C1QBP: variants seen among roughly 807,000 people sequenced by gnomAD.
C1QBP encodes the protein complement component 1 Q subcomponent-binding protein, mitochondrial.
Under a neutral mutation model 29.4 loss-of-function variants are expected in C1QBP, and 24 were observed. That is an observed-to-expected ratio of 0.82 (90% CI 0.59 to 1.15). The LOEUF (loss-of-function observed/expected upper bound fraction) is 1.15. C1QBP is among the 50% of genes most tolerant of loss of function. The pLI is 0.00. For missense variants in C1QBP, 337 were observed against 355.8 expected, an observed-to-expected ratio of 0.95 and a Z score of 0.43; for synonymous variants, 182 against 149.2, an observed-to-expected ratio of 1.22 and a Z score of -1.60.
chr17:5,434,940 T>C lies in C1QBP; in HGVS notation c.410A>G (p.Asn137Ser), dbSNP rs746657078. Reference sequence around the variant, plus strand: ...ACCATCAAATGTTGGTGGGATGCTGTTGTTAATGTTGAAAGTGACCGTGAT... The same window carrying C: ...ACCATCAAATGTTGGTGGGATGCTGCTGTTAATGTTGAAAGTGACCGTGAT... Reference protein sequence around the residue: ...EKITVTFNINNSIPPTFDGEE... With the variant: ...EKITVTFNINSSIPPTFDGEE... Residue 137 changes from asparagine to serine, a missense_variant, in exon 3 of 6, where the codon AAC (asparagine) becomes AGC (serine). Physicochemically the swap from Asn to Ser is conservative, Grantham distance 46. Coordinates refer to ENST00000225698, the MANE Select transcript of C1QBP (RefSeq NM_001212.4). 7 of 1,613,986 alleles carry C rather than the reference T, an allele frequency of 4.3e-6. No homozygotes were observed. The South Asian group carries it at 4.4e-5, about 10-fold the overall frequency.
At chr17:5,436,557 C>CA (rs905643439) in intron 2 of C1QBP, among the ~76,000 whole-genome samples, 1 of 151,308 alleles carries the variant, frequency 6.6e-6, no homozygotes, top group African/African-American at 2.5e-5. Flanking sequence ...CACAAGCGAC[C>CA]AAAAAAATAG....
At position 5,438,584 on chromosome 17, in the gene C1QBP, C is replaced by T. The variant is rs1407783916; in HGVS notation, c.232+258G>A. ...TTTTCAACCACGACCATGGGCCTTC[C>T]CAAAGGTCCACTTTCGATAGAATAA... On this transcript the variant is annotated intron_variant, in intron 1 of 5. Coordinates refer to ENST00000225698, the MANE Select transcript of C1QBP (RefSeq NM_001212.4). The T allele has an allele frequency of 3.8e-6, 3 of 787,204 alleles. No homozygotes were observed. In the East Asian group the frequency reaches 8.5e-5, roughly 22 times the overall value. The allele number at this position is 787,204 out of a possible 1,614,324, so 48.8% of individuals were successfully genotyped here. A position where few individuals can be genotyped will look rare whatever the true frequency, so the allele number is the denominator to read the frequency against.
intron 2 of C1QBP, among the ~76,000 whole-genome samples, chr17:5,437,213 A>T (rs748751418): frequency 7.9e-5 from 12 of 152,236 alleles, no homozygotes; most frequent in Non-Finnish European, 1.6e-4. Context: ...GAGGACTAAG[A>T]ACCACTTAAT....
In C1QBP at chr17:5,433,165, C is replaced by G. The variant is rs530106461; in HGVS notation, c.700-1G>C. Reference sequence around the variant, plus strand: ...AATCCATTAGGTGGTCATATAAGGCCTGCAAAGAACAATATTTACTAGTTA... The same window carrying G: ...AATCCATTAGGTGGTCATATAAGGCGTGCAAAGAACAATATTTACTAGTTA... On this transcript the variant is annotated splice_acceptor_variant, in intron 5 of 5. Transcript: ENST00000225698. LOFTEE classifies it high-confidence loss of function. 6.2e-7 allele frequency: 1 copy of G among 1,610,892 alleles called. No homozygotes were observed. The highest frequency in any genetic ancestry group is 1.1e-5 in the South Asian group (1 of 90,334).
At chr17:5,435,726 A>G (rs1916249906) in intron 2 of C1QBP, among the ~76,000 whole-genome samples, 2 of 152,016 alleles carry the variant, frequency 1.3e-5, no homozygotes, top group Admixed American at 1.3e-4. Context: ...GGCAGGCACC[A>G]TTCCACACAA....
chr17:5,433,850 T>C (rs1304148305), intron 3 of C1QBP, 83 bp from the exon 4 acceptor site: 3 of 1,127,590 alleles, frequency 2.7e-6, no homozygotes, highest in East Asian at 2.3e-5. Flanking sequence ...GAGTGTCTGA[T>C]GGCCACCACT....
chr17:5,437,439 C>T (rs76016030), intron 2 of C1QBP, among the ~76,000 whole-genome samples: 3 of 152,206 alleles, frequency 2.0e-5, no homozygotes, highest in Non-Finnish European at 4.4e-5. Flanking sequence ...CAGGTTCAAG[C>T]GATTCCCCTG....
In C1QBP at chr17:5,438,137, T is replaced by C; in HGVS notation, c.369A>G (p.Lys123=). 6.2e-7 allele frequency: 1 copy of C among 1,612,352 alleles called. No individual in the cohort carries two copies. The highest frequency in any genetic ancestry group is 8.5e-7 in the Non-Finnish European group (1 of 1,179,978). The change falls in exon 2 of 6, where the codon AAA becomes AAG. Residue 123 remains lysine (K), a synonymous_variant. Transcript: ENST00000225698. ...CCAGTACTTACTTTTCCCCGGCAACTTTCCGCACTAATTTCGCTTCTGTCC... is the reference window on the plus strand; with the variant it reads ...CCAGTACTTACTTTTCCCCGGCAACCTTCCGCACTAATTTCGCTTCTGTCC... ...LNGTEAKLVR[K]VAGEKITVTF... is the part of the protein sequence containing the mutation.
At chr17:5,434,508 G>A (rs1415017740) in intron 3 of C1QBP, among the ~76,000 whole-genome samples, 9 of 123,270 alleles carry the variant, frequency 7.3e-5, no homozygotes, top group African/African-American at 2.8e-4. Flanking sequence ...TTGCTCTGTC[G>A]CCAGGCTGGA....
At chr17:5,435,748 G>A (rs1567592155) in intron 2 of C1QBP, among the ~76,000 whole-genome samples, 2 of 151,930 alleles carry the variant, frequency 1.3e-5, no homozygotes, top group African/African-American at 4.8e-5. Context: ...AGTACATGAA[G>A]GCTGGGCGCA....
In C1QBP at chr17:5,439,066, G is replaced by A. The variant is rs540566151; in HGVS notation, c.8C>T (p.Pro3Leu). 2.6e-6 allele frequency: 4 copies of A among 1,540,358 alleles called. No individual in the cohort carries two copies. In the African/African-American group the frequency reaches 4.2e-5, roughly 16 times the overall value. Residue 3 changes from proline to leucine, a missense_variant, in exon 1 of 6, where the codon CCT (proline) becomes CTT (leucine). Pro to Leu is a moderately conservative substitution (Grantham distance 98, BLOSUM62 -3). Coordinates refer to ENST00000225698, the MANE Select transcript of C1QBP (RefSeq NM_001212.4). Reference protein sequence around the residue: MLPLLRCVPRVLG... With the variant: MLLLLRCVPRVLG... ...CACACGGGGCACGCAGCGCAGCAGA[G>A]GCAGCATCGCGGAAACGACTGCGAA...
chr17:5,438,570 G>A (rs1916335853), intron 1 of C1QBP: 1 of 736,808 alleles, frequency 1.4e-6, no homozygotes. Context: ...TTTCAACCAC[G>A]ACCATGGGCC....
chr17:5,437,746 C>A (rs1916313565), intron 2 of C1QBP, among the ~76,000 whole-genome samples: 2 of 152,208 alleles, frequency 1.3e-5, no homozygotes, highest in South Asian at 2.1e-4. Context: ...AAACTCCCCA[C>A]CTCTGATGGC....
chr17:5,435,035 C>T (rs1235811013), intron 2 of C1QBP, 69 bp from the exon 3 acceptor site: 3 of 1,331,204 alleles, frequency 2.3e-6, no homozygotes, highest in Admixed American at 1.7e-5. Context: ...CAGGTTAACA[C>T]ATAAACATGG....
Position 5,433,115 on chromosome 17 carries a change from T to C in C1QBP, c.749A>G (p.Asn250Ser), listed in dbSNP as rs201134652. The C allele has an allele frequency of 3.7e-6, 6 of 1,614,060 alleles. No individual in the cohort carries two copies. The highest frequency in any genetic ancestry group is 5.1e-6 in the Non-Finnish European group (6 of 1,180,042). The change falls in exon 6 of 6, where the codon AAC becomes AGC. Residue 250 changes from asparagine to serine, a missense_variant. Asn to Ser is a conservative substitution (Grantham distance 46, BLOSUM62 1). Coordinates refer to ENST00000225698, the MANE Select transcript of C1QBP (RefSeq NM_001212.4). Reference protein sequence around the residue: ...MDFLADRGVDNTFADELVELS... With the variant: ...MDFLADRGVDSTFADELVELS... ...CTCCACCAGCTCATCTGCAAAAGTGTTGTCCACCCCTCGGTCGGCAAGGAA... is the reference window on the plus strand; with the variant it reads ...CTCCACCAGCTCATCTGCAAAAGTGCTGTCCACCCCTCGGTCGGCAAGGAA...
chr17:5,435,213 TCA>T (rs1297020118), intron 2 of C1QBP, among the ~76,000 whole-genome samples: 1 of 152,184 alleles, frequency 6.6e-6, no homozygotes, highest in Non-Finnish European at 1.5e-5. Context: ...AAAGCTGGCC[TCA>T]GTTTATCTCA....
At chr17:5,434,239 G>A (rs995995618) in intron 3 of C1QBP, 1 of 200,568 alleles carries the variant, frequency 5.0e-6, no homozygotes, top group Non-Finnish European at 1.0e-5. Context: ...TCCAACGTCA[G>A]GGAGATGCTA....
At position 5,433,290 on chromosome 17, in the gene C1QBP, C is replaced by A; in HGVS notation, c.699+3G>T. ...AGGTTCCCCCACCTTATCAAGCACT[C>A]ACCCAGTCCAAGGAATCTGTGTTGA... On this transcript the variant is annotated splice_donor_region_variant and intron_variant, in intron 5 of 5. Transcript: ENST00000225698. The A allele has an allele frequency of 3.7e-6, 6 of 1,614,156 alleles. No homozygotes were observed. Among genetic ancestry groups the A allele is most frequent in the Non-Finnish European group, 5.1e-6 (6 of 1,180,022 alleles).
intron 2 of C1QBP, 104 bp downstream of exon 2, chr17:5,438,019 C>A: frequency 7.1e-7 from 1 of 1,408,982 alleles, no homozygotes; most frequent in Non-Finnish European, 9.5e-7. Flanking sequence ...ACCCATTTAT[C>A]AAAGTATCCA....
Sources: allele counts gnomAD v4.1 joint callset (sites outside exome capture counted in the v4.1 genomes callset), GRCh38; gene constraint gnomAD v4.1.1; transcripts MANE v1.5; gene names NCBI Gene and HGNC (gene_info 2026-07-23, HGNC 2026-07-21).